CSMD2: variants seen among roughly 807,000 people sequenced by gnomAD.
The protein encoded by CSMD2 is CUB and Sushi multiple domains 2.
In CSMD2, 130 loss-of-function variants were observed where a neutral mutation model predicts 398.5. The observed-to-expected ratio is 0.33, with a 90% CI of 0.28 to 0.38. CSMD2 has a LOEUF of 0.38. CSMD2 is among the 10% of genes least tolerant of loss of function. CSMD2 has a pLI of 1.00. For synonymous variants in CSMD2, 1,828 were observed against 1,908.5 expected, an observed-to-expected ratio of 0.96 and a Z score of 1.10; for missense variants, 3,829 against 4,764.9, an observed-to-expected ratio of 0.80 and a Z score of 5.78.
chr1:33,626,157 G>A (rs1053750351), intron 33 of CSMD2, among the ~76,000 whole-genome samples: 5 of 152,176 alleles, frequency 3.3e-5, no homozygotes, highest in African/African-American at 1.2e-4. Context: ...AAGCTCCAGG[G>A]GAGTCCAGGT....
chr1:33,846,108 A>C (rs901546359), intron 6 of CSMD2, among the ~76,000 whole-genome samples: 5 of 152,252 alleles, frequency 3.3e-5, no homozygotes, highest in African/African-American at 9.6e-5. Context: ...TCGAAAAGGA[A>C]TGTGCTCATC....
At position 33,542,759 on chromosome 1, in the gene CSMD2, C is replaced by A; in HGVS notation, c.9238G>T (p.Val3080Phe). ...ATGLLSRHCS[V>F]NGTWTGSDPE... ...TCACTGCCTGTCCAGGTACCATTGA[C>A]CGAGCAGTGACGGCTGAGCAGGCCT... is the stretch of plus-strand genomic sequence containing the variant. Residue 3080 changes from valine to phenylalanine, a missense_variant, in exon 58 of 71, where the codon GTC (valine) becomes TTC (phenylalanine). Around this residue, in one of 5 missense-constraint regions of CSMD2, gnomAD observed 917 missense variants for 1,199.5 expected, o/e 0.76. Transcript: ENST00000373381. 6.2e-7 allele frequency: 1 copy of A among 1,614,110 alleles called. No homozygotes were observed. Among genetic ancestry groups the A allele is most frequent in the Non-Finnish European group, 8.5e-7 (1 of 1,180,010 alleles).
chr1:33,525,543 T>C lies in CSMD2; in HGVS notation c.10235-500A>G, dbSNP rs542462752. ...AGAGTAGAATGATGGTTACAGAGGC[T>C]GGGGCAGAGTGGAGGGTGATGGGGA... On this transcript the variant is annotated intron_variant, in intron 65 of 70. Coordinates refer to ENST00000373381, the MANE Select transcript of CSMD2 (RefSeq NM_001281956.2). Among the ~76,000 whole-genome samples, 4 of 152,274 alleles carry C rather than the reference T, an allele frequency of 2.6e-5. 1 individual carries two copies. In the South Asian group the frequency reaches 8.3e-4, roughly 32 times the overall value.
intron 20 of CSMD2, among the ~76,000 whole-genome samples, chr1:33,715,290 G>A (rs1329718468): frequency 6.6e-6 from 1 of 152,030 alleles, no homozygotes; most frequent in Non-Finnish European, 1.5e-5. Flanking sequence ...ACTCCCACTG[G>A]TGAAGACACT....
intron 25 of CSMD2, among the ~76,000 whole-genome samples, chr1:33,692,605 G>T (rs1232065950): frequency 6.6e-6 from 1 of 152,202 alleles, no homozygotes; most frequent in African/African-American, 2.4e-5. Context: ...AGAGGATAAG[G>T]AACTTTCCCA....
At chr1:33,538,955 T>C (rs1478531357) in intron 60 of CSMD2, among the ~76,000 whole-genome samples, 2 of 152,116 alleles carry the variant, frequency 1.3e-5, no homozygotes, top group Non-Finnish European at 2.9e-5. Flanking sequence ...AGGGCTTTGC[T>C]GCAGGAGTAA....
chr1:33,671,999 G>GA (rs942065026), intron 25 of CSMD2, among the ~76,000 whole-genome samples: 23 of 152,054 alleles, frequency 1.5e-4, no homozygotes, highest in Non-Finnish European at 3.1e-4. Context: ...CATGCAAAGG[G>GA]GGGTGGAGCC....
intron 2 of CSMD2, among the ~76,000 whole-genome samples, chr1:34,072,108 T>C (rs771860297): frequency 1.3e-5 from 2 of 152,188 alleles, no homozygotes; most frequent in Admixed American, 6.5e-5. Context: ...AGAGTAGAAA[T>C]TGATGCAGTA....
intron 1 of CSMD2, among the ~76,000 whole-genome samples, chr1:34,125,075 T>C (rs565427605): frequency 1.3e-5 from 2 of 152,084 alleles, no homozygotes; most frequent in Non-Finnish European, 2.9e-5. Context: ...CTAACGTAAT[T>C]AGAATAGAGC....
At chr1:33,840,565 G>A (rs961915064) in intron 6 of CSMD2, among the ~76,000 whole-genome samples, 3 of 152,224 alleles carry the variant, frequency 2.0e-5, no homozygotes, top group Non-Finnish European at 4.4e-5. Flanking sequence ...CAGGCACACA[G>A]AAGTTTCCCA....
intron 3 of CSMD2, among the ~76,000 whole-genome samples, chr1:33,984,516 T>C (rs1311499957): frequency 2.0e-5 from 3 of 152,276 alleles, no homozygotes; most frequent in East Asian, 3.9e-4. Context: ...AAAGAAATCT[T>C]GGTCTGGGTG....
intron 4 of CSMD2, among the ~76,000 whole-genome samples, chr1:33,934,164 A>C (rs1644395698): frequency 6.6e-6 from 1 of 152,238 alleles, no homozygotes; most frequent in South Asian, 2.1e-4. Flanking sequence ...TTCCTCCAAA[A>C]GAAAAATAAA....
intron 2 of CSMD2, among the ~76,000 whole-genome samples, chr1:34,047,117 T>C (rs1238812574): frequency 6.6e-6 from 1 of 152,134 alleles, no homozygotes; most frequent in Non-Finnish European, 1.5e-5. Flanking sequence ...GTCTTCATAA[T>C]GGTCTAAAGG....
In CSMD2 at chr1:34,072,947, T is replaced by C. The variant is rs1045462623; in HGVS notation, c.404+16030A>G. On this transcript the variant is annotated intron_variant, in intron 2 of 70. Transcript: ENST00000373381. ...CTTCCATAACCCCCTTCGGTGCTGG[T>C]CAGGTGGTGCTGACCTGTGTGAACT... 3.9e-5 allele frequency among the ~76,000 whole-genome samples: 6 copies of C among 152,186 alleles called. No homozygotes were observed. The East Asian group carries it at 9.7e-4, about 25-fold the overall frequency.
chr1:33,770,674 G>A (rs1651138454), intron 13 of CSMD2, among the ~76,000 whole-genome samples: 1 of 152,222 alleles, frequency 6.6e-6, no homozygotes, highest in Non-Finnish European at 1.5e-5. Flanking sequence ...TTGTCTAGAA[G>A]AAGAAATGCC....
chr1:34,077,967 C>T (rs996287945), intron 2 of CSMD2, among the ~76,000 whole-genome samples: 1 of 152,062 alleles, frequency 6.6e-6, no homozygotes, highest in Non-Finnish European at 1.5e-5. Context: ...GTAGTGAAAG[C>T]AGTAATTGCA....
chr1:34,032,481 G>A (rs559661189), intron 3 of CSMD2, 113 bp downstream of exon 3: 35 of 640,258 alleles, frequency 5.5e-5, no homozygotes, highest in East Asian at 1.3e-4. Context: ...CAGGACAGGC[G>A]CAAGCTCTGG....
chr1:34,161,996 C>T (rs997443855), intron 1 of CSMD2, among the ~76,000 whole-genome samples: 4 of 150,078 alleles, frequency 2.7e-5, no homozygotes, highest in Admixed American at 2.0e-4. Context: ...CATGGAGAAA[C>T]CCCCCTTCTC....
chr1:34,070,444 C>G (rs893226750), intron 2 of CSMD2, among the ~76,000 whole-genome samples: 2 of 152,220 alleles, frequency 1.3e-5, no homozygotes, highest in Non-Finnish European at 2.9e-5. Flanking sequence ...ATGCTAAGAA[C>G]TCAGCCACAC....
Sources: allele counts gnomAD v4.1 joint callset (sites outside exome capture counted in the v4.1 genomes callset), GRCh38; gene constraint gnomAD v4.1.1; regional missense constraint gnomAD v4.1.1; transcripts MANE v1.5; gene names NCBI Gene and HGNC (gene_info 2026-07-23, HGNC 2026-07-21).